The following ZNF677 variants were observed in gnomAD, a reference collection of about 807,000 sequenced individuals.
The protein encoded by ZNF677 is zinc finger protein 677, also known as hypothetical protein MGC48625.
Under a neutral mutation model 8.1 loss-of-function variants are expected in ZNF677, and 5 were observed. That is an observed-to-expected ratio of 0.62 (90% CI 0.32 to 1.29). ZNF677 has a LOEUF of 1.29. Ranked by LOEUF, ZNF677 falls within the 50% of genes most tolerant of loss-of-function variation. The pLI is 0.05. For missense variants in ZNF677, 685 were observed against 685.9 expected, an observed-to-expected ratio of 1.00 and a Z score of 0.01; for synonymous variants, 221 against 225.6, an observed-to-expected ratio of 0.98 and a Z score of 0.18.
chr19:53,246,985 C>T (rs573955788), intron 3 of ZNF677, among the ~76,000 whole-genome samples: 37 of 152,202 alleles, frequency 2.4e-4, no homozygotes, highest in Non-Finnish European at 3.7e-4. Context: ...TCTCCAAACT[C>T]ATCAAATTGT....
intron 3 of ZNF677, among the ~76,000 whole-genome samples, chr19:53,245,551 G>A (rs1369911600): frequency 6.6e-6 from 1 of 152,002 alleles, no homozygotes; most frequent in East Asian, 1.9e-4. Context: ...TAATCACCAG[G>A]AAAACGCAAA....
At chr19:53,253,706 TA>T (rs1327942626) in intron 1 of ZNF677, among the ~76,000 whole-genome samples, 1 of 151,662 alleles carries the variant, frequency 6.6e-6, no homozygotes, top group Non-Finnish European at 1.5e-5. Context: ...AATAAATAAA[TA>T]AAAGAAAGCA....
At chr19:53,244,887 G>T (rs1351809017) in intron 3 of ZNF677, among the ~76,000 whole-genome samples, 1 of 152,090 alleles carries the variant, frequency 6.6e-6, no homozygotes, top group African/African-American at 2.4e-5. Context: ...GTATGGTACT[G>T]GCATAAAATA....
Position 53,237,821 on chromosome 19 carries a change from CT to C in ZNF677, c.905del (p.Gln302ArgfsTer311). 1 of 1,612,872 alleles carries C rather than the reference CT, an allele frequency of 6.2e-7. No homozygotes were observed. Among genetic ancestry groups the C allele is most frequent in the South Asian group, 1.1e-5 (1 of 90,866 alleles). ...KCNECGKAFN[Q>X]CSNLTRHQRV... ...TCTGATGCCTAGTGAGGTTCGAACA[CT>C]GGTTAAAGGCTTTGCCACACTCGTT... is the stretch of plus-strand genomic sequence containing the variant. On this transcript the variant is annotated frameshift_variant, in exon 5 of 5. Coordinates refer to ENST00000598513, the MANE Select transcript of ZNF677 (RefSeq NM_182609.4). LOFTEE classifies it low-confidence loss of function (END_TRUNC).
rs1456845438 is a variant in ZNF677 at position 53,237,765 on chromosome 19, C to T, written c.962G>A (p.Cys321Tyr). 1 of 1,613,738 alleles carries T rather than the reference C, an allele frequency of 6.2e-7. No homozygotes were observed. The highest frequency in any genetic ancestry group is 8.5e-7 in the Non-Finnish European group (1 of 1,179,852). ...RVHTGEKPYQ[C>Y]NICGKVCSQN... The stretch of plus-strand genomic sequence containing the variant: ...ACTACAGACCTTGCCACATATATTA[C>T]ATTGATATGGTTTCTCTCCTGTATG... The change falls in exon 5 of 5, where the codon TGT becomes TAT. Residue 321 changes from cysteine (C) to tyrosine (Y), a missense_variant. Cys to Tyr is a radical substitution (Grantham distance 194). Coordinates refer to ENST00000598513, the MANE Select transcript of ZNF677 (RefSeq NM_182609.4).
In ZNF677 at chr19:53,243,903, A is replaced by G. The variant is rs749555812; in HGVS notation, c.16-6T>C. The G allele has an allele frequency of 1.3e-5, 20 of 1,572,972 alleles. No homozygotes were observed. Among genetic ancestry groups the G allele is most frequent in the Non-Finnish European group, 2.6e-6 (3 of 1,164,226 alleles). On this transcript the variant is annotated splice_region_variant and splice_polypyrimidine_tract_variant and intron_variant, in intron 3 of 4. Coordinates refer to ENST00000598513, the MANE Select transcript of ZNF677 (RefSeq NM_182609.4). ...TCCTTGAATGTAAACAGTCCCTGAA[A>G]TAAAAACACACTTCACCAAGTGGAC...
At chr19:53,241,231 C>T (rs1448261334) in intron 4 of ZNF677, 1 of 152,108 alleles carries the variant, frequency 6.6e-6, no homozygotes, top group Non-Finnish European at 1.5e-5. Context: ...TCATTCATCT[C>T]ATGGCCCCAC....
intron 3 of ZNF677, among the ~76,000 whole-genome samples, chr19:53,248,452 T>C (rs1330644696): frequency 6.6e-6 from 1 of 152,240 alleles, no homozygotes; most frequent in Non-Finnish European, 1.5e-5. Flanking sequence ...TGGTGTCCTT[T>C]TACTTCAGCC....
intron 3 of ZNF677, among the ~76,000 whole-genome samples, chr19:53,245,770 T>C (rs1193766481): frequency 6.6e-6 from 1 of 152,010 alleles, no homozygotes; most frequent in Admixed American, 6.6e-5. Flanking sequence ...TCCCAGCACT[T>C]TGGGAGGCCG....
chr19:53,240,152 G>A (rs1016835129), intron 4 of ZNF677: 2 of 152,240 alleles, frequency 1.3e-5, no homozygotes, highest in African/African-American at 4.8e-5. Context: ...ATAAGCAGGA[G>A]TCATTCTTTA....
At chr19:53,246,390 G>A (rs973968915) in intron 3 of ZNF677, among the ~76,000 whole-genome samples, 1 of 151,570 alleles carries the variant, frequency 6.6e-6, no homozygotes, top group African/African-American at 2.4e-5. Flanking sequence ...TCAGGATCTT[G>A]AAGAGAGATA....
At position 53,236,912 on chromosome 19, in the gene ZNF677, C is replaced by G; in HGVS notation, c.*60G>C. 1 of 1,458,678 alleles carries G rather than the reference C, an allele frequency of 6.9e-7. No homozygotes were observed. The highest frequency in any genetic ancestry group is 1.4e-5 in the African/African-American group (1 of 70,584). 90.4% of individuals were successfully genotyped at this position (1,458,678 alleles called of 1,614,324 possible). ...GTATCAAGTGAGACATAAGCCATAGCTAAAGGCTTTACCACATTTTCGTTT... is the reference window on the plus strand; with the variant it reads ...GTATCAAGTGAGACATAAGCCATAGGTAAAGGCTTTACCACATTTTCGTTT... On this transcript the variant is annotated 3_prime_UTR_variant, in exon 5 of 5. Transcript: ENST00000598513.
Position 53,238,063 on chromosome 19 carries a change from T to A in ZNF677, c.664A>T (p.Asn222Tyr), listed in dbSNP as rs752218369. Residue 222 changes from asparagine (N) to tyrosine (Y), a missense_variant, in exon 5 of 5, where the codon AAT becomes TAT. Transcript: ENST00000598513. ...GGAAGTGGTGAAACTGAGGAACTAT[T>A]GATAGACTTCTCAACTGGATTACAT... ...YECNPVEKSI[N>Y]SSSVSPLPPC... 1 of 1,614,072 alleles carries A rather than the reference T, an allele frequency of 6.2e-7. No homozygotes were observed. The highest frequency in any genetic ancestry group is 1.7e-5 in the Admixed American group (1 of 60,030).
chr19:53,238,592 C>G, intron 4 of ZNF677, 35 bp from the exon 5 acceptor site: 3 of 1,498,810 alleles, frequency 2.0e-6, no homozygotes, highest in Non-Finnish European at 2.7e-6. Flanking sequence ...GGCTTTCCAT[C>G]AAATAGAGTT....
Position 53,251,559 on chromosome 19 carries a change from CTTCT to C in ZNF677, c.-13_-10del, listed in dbSNP as rs767144135. On this transcript the variant is annotated 5_prime_UTR_variant, in exon 3 of 5. Transcript: ENST00000598513. ...ACCTGAGAAAGAGCCATTCCCTCCTCTTCTTTCTTTCCTCTTCCTCTGAGTTTCT... is the reference window on the plus strand; with the variant it reads ...ACCTGAGAAAGAGCCATTCCCTCCTCTTCTTTCCTCTTCCTCTGAGTTTCT... The C allele has an allele frequency of 3.5e-5, 56 of 1,613,796 alleles. No individual in the cohort carries two copies. Among genetic ancestry groups the C allele is most frequent in the Admixed American group, 8.3e-5 (5 of 60,004 alleles).
intron 3 of ZNF677, among the ~76,000 whole-genome samples, chr19:53,244,946 C>T (rs2091113142): frequency 6.6e-6 from 1 of 152,120 alleles, no homozygotes; most frequent in African/African-American, 2.4e-5. Flanking sequence ...AATAAACTCA[C>T]ACATATACAA....
rs779725958 is a variant in ZNF677, at chr19:53,237,698, T to TAGAGAAA, written c.1028_1029insTTTCTCT (p.Glu344PhefsTer9). On this transcript the variant is annotated frameshift_variant, in exon 5 of 5. Coordinates refer to ENST00000598513, the MANE Select transcript of ZNF677 (RefSeq NM_182609.4). LOFTEE classifies it low-confidence loss of function (END_TRUNC). ...ATTCATTACATTTGTAAGGTTTCTC[T>TAGAGAAA]CCAGTATGCATCCTCTGATGACTTG... is the stretch of plus-strand genomic sequence containing the variant. 3.1e-6 allele frequency: 5 copies of TAGAGAAA among 1,613,584 alleles called. No homozygotes were observed. The East Asian group carries it at 1.1e-4, about 36-fold the overall frequency.
At chr19:53,246,773 G>A (rs1341257222) in intron 3 of ZNF677, among the ~76,000 whole-genome samples, 1 of 152,114 alleles carries the variant, frequency 6.6e-6, no homozygotes, top group African/African-American at 2.4e-5. Context: ...TACACAAGAT[G>A]AAAAAGTCTT....
intron 2 of ZNF677, among the ~76,000 whole-genome samples, 192 bp from the exon 3 acceptor site, chr19:53,251,797 CA>C (rs1372472718): frequency 6.6e-6 from 1 of 152,172 alleles, no homozygotes; most frequent in African/African-American, 2.4e-5. Context: ...CCTATGTCTT[CA>C]AAAAGTTCTC....
Sources: gnomAD v4.1 joint callset for allele counts (sites outside exome capture counted in the v4.1 genomes callset) on GRCh38, gnomAD v4.1.1 for gene constraint, MANE v1.5 for transcripts, NCBI Gene and HGNC (gene_info 2026-07-23, HGNC 2026-07-21) for gene names.